The following CDH13 variants were observed in gnomAD, a reference collection of about 807,000 sequenced individuals.
CDH13 encodes the protein cadherin 13, also known as cadherin-13.
In CDH13, 24 loss-of-function variants were observed where a neutral mutation model predicts 63.8. That is an observed-to-expected ratio of 0.38 (90% CI 0.27 to 0.53). CDH13 has a LOEUF of 0.53. Ranked by LOEUF, CDH13 falls within the 20% of genes least tolerant of loss-of-function variation. The pLI is 0.85. For missense variants in CDH13, 1,049 were observed against 903.1 expected, an observed-to-expected ratio of 1.16 and a Z score of -2.07; for synonymous variants, 503 against 355.3, an observed-to-expected ratio of 1.42 and a Z score of -4.67.
rs529888444 is a variant in CDH13, at chr16:83,386,035, A to T, written c.781+41029A>T. 1.9e-3 allele frequency among the ~76,000 whole-genome samples: 296 copies of T among 152,278 alleles called. 1 individual carries two copies. The highest frequency in any genetic ancestry group is 0.019 in the Admixed American group (288 of 15,288). Reference sequence around the variant, plus strand: ...TATGGGTGCTTGGACAAACACTTCAATGTTCTCCATCTCAGTTTCCTCATC... The same window carrying T: ...TATGGGTGCTTGGACAAACACTTCATTGTTCTCCATCTCAGTTTCCTCATC... On this transcript the variant is annotated intron_variant, in intron 6 of 13. Transcript: ENST00000567109.
intron 6 of CDH13, among the ~76,000 whole-genome samples, chr16:83,458,368 C>G (rs1034397793): frequency 6.6e-6 from 1 of 152,188 alleles, no homozygotes; most frequent in African/African-American, 2.4e-5. Context: ...AGCCTTCCAC[C>G]TCTCCTAATT....
At chr16:83,436,489 A>G (rs192145333) in intron 6 of CDH13, among the ~76,000 whole-genome samples, 21 of 152,046 alleles carry the variant, frequency 1.4e-4, no homozygotes, top group African/African-American at 4.8e-4. Flanking sequence ...AAAAAAAATT[A>G]TACAATGAAT....
At chr16:83,470,559 A>T (rs1318801218) in intron 6 of CDH13, among the ~76,000 whole-genome samples, 1 of 152,192 alleles carries the variant, frequency 6.6e-6, no homozygotes, top group Non-Finnish European at 1.5e-5. Flanking sequence ...CTCAAGGATG[A>T]TTCATTGCCT....
intron 3 of CDH13, among the ~76,000 whole-genome samples, chr16:83,065,253 T>C (rs1452474282): frequency 1.3e-5 from 2 of 152,114 alleles, no homozygotes; most frequent in East Asian, 3.8e-4. Flanking sequence ...TAGAAAAAGC[T>C]TGAAGGTAGA....
chr16:82,776,307 AAAGAG>A (rs1350877226), intron 1 of CDH13, among the ~76,000 whole-genome samples: 3 of 152,106 alleles, frequency 2.0e-5, no homozygotes, highest in Admixed American at 1.3e-4. Context: ...GAAGGAGAGA[AAAGAG>A]AAAAGAAAAG....
chr16:83,570,299 G>A (rs1167082815), intron 7 of CDH13, among the ~76,000 whole-genome samples: 1 of 152,074 alleles, frequency 6.6e-6, no homozygotes, highest in African/African-American at 2.4e-5. Context: ...AGAGCCATAT[G>A]GGGTCTTTTC....
intron 1 of CDH13, among the ~76,000 whole-genome samples, chr16:82,651,440 T>G (rs1480864572): frequency 6.6e-6 from 1 of 152,248 alleles, no homozygotes; most frequent in Non-Finnish European, 1.5e-5. Context: ...ACTTGTCTTC[T>G]TCAGCAAACA....
At chr16:82,807,263 C>T (rs1047778925) in intron 1 of CDH13, among the ~76,000 whole-genome samples, 1 of 152,060 alleles carries the variant, frequency 6.6e-6, no homozygotes, top group Non-Finnish European at 1.5e-5. Context: ...TCCCTGTGAA[C>T]AAACATTTTA....
At chr16:82,671,877 G>C (rs141961079) in intron 1 of CDH13, among the ~76,000 whole-genome samples, 163 of 152,264 alleles carry the variant, frequency 1.1e-3, no homozygotes, top group African/African-American at 3.6e-3. Context: ...AGAGAAAGTT[G>C]CGCACCTGAG....
rs1399375252 is a variant in CDH13, at chr16:83,798,967, C to T, written c.*3937C>T. Reference sequence around the variant, plus strand: ...ATTATTTGCCCCTTCCCTTCCATGGCTTGTTAGCAGGTAGATGAGGGGCTT... The same window carrying T: ...ATTATTTGCCCCTTCCCTTCCATGGTTTGTTAGCAGGTAGATGAGGGGCTT... On this transcript the variant is annotated 3_prime_UTR_variant, in exon 14 of 14. Transcript: ENST00000567109. 4 of 152,062 alleles carry T rather than the reference C, an allele frequency of 2.6e-5. No individual in the cohort carries two copies. Among genetic ancestry groups the T allele is most frequent in the African/African-American group, 9.7e-5 (4 of 41,402 alleles). The allele number at this position is 152,062 out of a possible 1,614,324, so 9.4% of individuals were successfully genotyped here.
intron 5 of CDH13, among the ~76,000 whole-genome samples, chr16:83,323,470 A>T (rs1597746008): frequency 7.2e-6 from 1 of 138,188 alleles, no homozygotes; most frequent in Non-Finnish European, 1.6e-5. Context: ...TAGTATAAAT[A>T]CGGTTTCACC....
rs145719197 is a variant in CDH13 at position 82,931,192 on chromosome 16, G to A, written c.157+72719G>A. ...TTATACTTTGATTTCCCTCTCTCGT[G>A]TCAAAAAGCATATCTAGCCTTATTT... On this transcript the variant is annotated intron_variant, in intron 2 of 13. Transcript: ENST00000567109. Among the ~76,000 whole-genome samples the A allele has an allele frequency of 3.0e-3, 452 of 152,262 alleles. 5 individuals are homozygous for A. The highest frequency in any genetic ancestry group is 3.4e-3 in the Non-Finnish European group (231 of 68,030).
intron 1 of CDH13, among the ~76,000 whole-genome samples, chr16:82,693,765 G>A (rs2029920779): frequency 6.6e-6 from 1 of 152,216 alleles, no homozygotes; most frequent in Non-Finnish European, 1.5e-5. Context: ...TTCATGGAAT[G>A]ATAGGAGTAG....
intron 4 of CDH13, among the ~76,000 whole-genome samples, chr16:83,186,821 A>T (rs999962671): frequency 6.6e-6 from 1 of 152,196 alleles, no homozygotes; most frequent in Admixed American, 6.6e-5. Context: ...GTGGAGGAAG[A>T]GTTCTGATGG....
intron 2 of CDH13, among the ~76,000 whole-genome samples, chr16:83,029,742 A>T (rs958823890): frequency 6.6e-6 from 1 of 152,136 alleles, no homozygotes; most frequent in East Asian, 1.9e-4. Context: ...TCAGGAAGGG[A>T]GGGGACTGGT....
intron 2 of CDH13, among the ~76,000 whole-genome samples, chr16:83,000,148 G>C (rs930166804): frequency 7.1e-6 from 1 of 141,752 alleles, no homozygotes; most frequent in African/African-American, 2.6e-5. Context: ...CTCAGTAAAT[G>C]TCAGTCATTT....
chr16:82,646,548 A>C (rs558614362), intron 1 of CDH13, among the ~76,000 whole-genome samples: 2 of 152,282 alleles, frequency 1.3e-5, no homozygotes, highest in African/African-American at 4.8e-5. Flanking sequence ...AAGTGGGTCA[A>C]AGAAATGGGA....
At chr16:83,080,363 C>T (rs1276338887) in intron 3 of CDH13, among the ~76,000 whole-genome samples, 2 of 152,160 alleles carry the variant, frequency 1.3e-5, no homozygotes, top group Non-Finnish European at 2.9e-5. Context: ...TGGTTGCCCT[C>T]ATGCTCACTC....
intron 10 of CDH13, among the ~76,000 whole-genome samples, chr16:83,711,493 G>GT (rs1200496549): frequency 6.6e-6 from 1 of 152,044 alleles, no homozygotes; most frequent in Non-Finnish European, 1.5e-5. Context: ...GTGTTTTGGG[G>GT]TTTTTTATTT....
Sources: gnomAD v4.1 joint callset for allele counts (sites outside exome capture counted in the v4.1 genomes callset) on GRCh38, gnomAD v4.1.1 for gene constraint, MANE v1.5 for transcripts, NCBI Gene and HGNC (gene_info 2026-07-23, HGNC 2026-07-21) for gene names.